Variants in CACNG4 observed in about 807,000 individuals in gnomAD.
CACNG4 encodes the protein calcium voltage-gated channel auxiliary subunit gamma 4, also known as voltage-dependent calcium channel gamma-4 subunit.
In CACNG4, 8 loss-of-function variants were observed where a neutral mutation model predicts 22.9. That is an observed-to-expected ratio of 0.35 (90% CI 0.21 to 0.63). CACNG4 has a LOEUF of 0.63. Among genes scored for constraint, CACNG4 ranks in the 30% least tolerant of loss-of-function variants. CACNG4 has a pLI of 0.72. For synonymous variants in CACNG4, 188 were observed against 191.9 expected (o/e 0.98, Z 0.17); for missense variants, 357 against 455.4 (o/e 0.78, Z 1.97).
At chr17:67,021,406 T>G (rs1041363485) in intron 2 of CACNG4, among the ~76,000 whole-genome samples, 2 of 152,228 alleles carry the variant, frequency 1.3e-5, no homozygotes, top group African/African-American at 2.4e-5. Context: ...GCACCAACCC[T>G]GGTAGATCCA....
intron 1 of CACNG4, among the ~76,000 whole-genome samples, chr17:66,976,520 A>C (rs1598102512): frequency 6.3e-4 from 68 of 107,876 alleles, no homozygotes; most frequent in African/African-American, 1.1e-3. Context: ...CCCTCCCTCC[A>C]TCCTCCCTCC....
intron 1 of CACNG4, among the ~76,000 whole-genome samples, chr17:66,968,162 G>A (rs1250373483): frequency 1.3e-5 from 2 of 152,194 alleles, no homozygotes; most frequent in Non-Finnish European, 2.9e-5. Flanking sequence ...GTAGGAGGCA[G>A]CCGGGCCAGA....
intron 1 of CACNG4, among the ~76,000 whole-genome samples, chr17:66,967,452 C>T (rs1402150550): frequency 2.0e-5 from 3 of 152,134 alleles, no homozygotes; most frequent in Non-Finnish European, 4.4e-5. Flanking sequence ...AAAGCACATC[C>T]CTAGACCAAC....
chr17:67,030,743 G>T lies in CACNG4; in HGVS notation c.723G>T (p.Arg241=). The T allele has an allele frequency of 6.2e-7, 1 of 1,614,202 alleles. No individual in the cohort carries two copies. The highest frequency in any genetic ancestry group is 1.3e-5 in the African/African-American group (1 of 75,054). ...ARMPSYRYRR[R]RSRSSSRSTE... ...TGCCGAGCTACAGGTACCGGCGACG[G>T]CGCTCGAGGTCCAGCTCAAGGTCCA... is the stretch of plus-strand genomic sequence containing the variant. The change falls in exon 4 of 4, where the codon CGG becomes CGT. Residue 241 remains arginine (R), a synonymous_variant. Transcript: ENST00000262138. The surrounding 1 kb of genome is among the most constrained non-coding windows in gnomAD (Gnocchi z 6.4).
At chr17:66,980,620 CTTTT>C (rs67051865) in intron 1 of CACNG4, among the ~76,000 whole-genome samples, 2 of 107,022 alleles carry the variant, frequency 1.9e-5, no homozygotes, top group Non-Finnish European at 1.8e-5. Context: ...TGTGTAAATT[CTTTT>C]TTTTTTTTTT....
chr17:66,996,090 T>G (rs2035372977), intron 1 of CACNG4, among the ~76,000 whole-genome samples: 1 of 152,112 alleles, frequency 6.6e-6, no homozygotes, highest in Non-Finnish European at 1.5e-5. Context: ...CAGGAGCGAC[T>G]GGTTGACTTA....
chr17:67,003,524 T>G (rs900800541), intron 1 of CACNG4, among the ~76,000 whole-genome samples: 3 of 152,174 alleles, frequency 2.0e-5, no homozygotes. Context: ...CTCAGTTCTG[T>G]GCAGGACATT....
chr17:66,990,432 A>C (rs1257084824), intron 1 of CACNG4, among the ~76,000 whole-genome samples: 6 of 152,132 alleles, frequency 3.9e-5, no homozygotes. Context: ...TTCCTCCAAC[A>C]CTCAAGGGGA....
At chr17:66,973,751 G>A (rs2035218974) in intron 1 of CACNG4, among the ~76,000 whole-genome samples, 2 of 152,144 alleles carry the variant, frequency 1.3e-5, no homozygotes, top group African/African-American at 4.8e-5. Context: ...TCTCCAGCGG[G>A]TGCATGGGCT....
chr17:67,001,457 G>T (rs1236278920), intron 1 of CACNG4, among the ~76,000 whole-genome samples: 2 of 151,986 alleles, frequency 1.3e-5, no homozygotes, highest in African/African-American at 2.4e-5. Context: ...GCCTCTGTCT[G>T]CCGTAGCCGC....
At chr17:67,002,548 G>A (rs2035414266) in intron 1 of CACNG4, among the ~76,000 whole-genome samples, 1 of 152,136 alleles carries the variant, frequency 6.6e-6, no homozygotes, top group Non-Finnish European at 1.5e-5. Flanking sequence ...AGAAAGCACT[G>A]GTGACCTGGC....
At chr17:66,990,874 G>C (rs2035336172) in intron 1 of CACNG4, among the ~76,000 whole-genome samples, 1 of 151,782 alleles carries the variant, frequency 6.6e-6, no homozygotes, top group Admixed American at 6.6e-5. Context: ...TAGAGACGGG[G>C]TTTCACCGTG....
In CACNG4 at chr17:67,005,795, G is replaced by A. The variant is rs192155129; in HGVS notation, c.221-12394G>A. Among the ~76,000 whole-genome samples, 594 of 152,356 alleles carry A rather than the reference G, an allele frequency of 3.9e-3. 4 individuals carry two copies. Among genetic ancestry groups the A allele is most frequent in the African/African-American group, 0.013 (534 of 41,588 alleles). ...GTAGTTCCCTGGACTGCTAGACACA[G>A]GTGGGGTCTTGGGGACAGGGCTCCT... On this transcript the variant is annotated intron_variant, in intron 1 of 3. Coordinates refer to ENST00000262138, the MANE Select transcript of CACNG4 (RefSeq NM_014405.4).
At chr17:67,019,197 T>A (rs2035517794) in intron 2 of CACNG4, among the ~76,000 whole-genome samples, 1 of 152,100 alleles carries the variant, frequency 6.6e-6, no homozygotes, top group African/African-American at 2.4e-5. Context: ...TGCTTATGGA[T>A]CGTTTTTTCT....
At chr17:66,992,165 G>A (rs60327203) in intron 1 of CACNG4, among the ~76,000 whole-genome samples, 10 of 148,686 alleles carry the variant, frequency 6.7e-5, no homozygotes, top group African/African-American at 1.0e-4. Context: ...GCTCCTGGGG[G>A]GGGGGGGCTG....
At chr17:67,012,412 A>G (rs1166051063) in intron 1 of CACNG4, among the ~76,000 whole-genome samples, 3 of 152,120 alleles carry the variant, frequency 2.0e-5, no homozygotes, top group Non-Finnish European at 4.4e-5. Flanking sequence ...GCTGGCATGC[A>G]GGGGGTGTAT....
intron 1 of CACNG4, among the ~76,000 whole-genome samples, chr17:66,993,205 A>C (rs1416954614): frequency 6.6e-6 from 1 of 152,206 alleles, no homozygotes; most frequent in Non-Finnish European, 1.5e-5. Context: ...TCATGGCACC[A>C]TTTCGGGGCT....
intron 1 of CACNG4, among the ~76,000 whole-genome samples, chr17:67,015,339 G>A (rs1040893653): frequency 1.2e-4 from 18 of 152,108 alleles, no homozygotes; most frequent in African/African-American, 4.4e-4. Flanking sequence ...TATTGACATG[G>A]AGAACATGTT....
At chr17:66,982,657 A>G (rs989562534) in intron 1 of CACNG4, among the ~76,000 whole-genome samples, 1 of 152,192 alleles carries the variant, frequency 6.6e-6, no homozygotes, top group Non-Finnish European at 1.5e-5. Context: ...CCAGGGCTCA[A>G]GCAATCCTCC....
Sources: gnomAD v4.1 joint callset for allele counts (sites outside exome capture counted in the v4.1 genomes callset) on GRCh38, gnomAD v4.1.1 for gene constraint, Gnocchi (gnomAD v3.1) non-coding constraint, MANE v1.5 for transcripts, NCBI Gene and HGNC (gene_info 2026-07-23, HGNC 2026-07-21) for gene names.